Variants in ATP8A2 observed in about 807,000 individuals in gnomAD.
ATP8A2 encodes phospholipid-transporting ATPase IB.
A neutral mutation model predicts 165.6 loss-of-function variants in ATP8A2; 100 were observed. The ratio of observed to expected loss-of-function variants is 0.60; its 90% confidence interval spans 0.51 to 0.71. The LOEUF (loss-of-function observed/expected upper bound fraction) is 0.71. Among genes scored for constraint, ATP8A2 ranks in the 30% least tolerant of loss-of-function variants. ATP8A2 has a pLI of 0.00. For missense variants in ATP8A2, 1,227 were observed against 1,479.5 expected (o/e 0.83, Z 2.80); for synonymous variants, 543 against 548.8 (o/e 0.99, Z 0.15).
chr13:25,720,961 C>CTTTTTT (rs57485267), intron 25 of ATP8A2, among the ~76,000 whole-genome samples: 2 of 129,770 alleles, frequency 1.5e-5, no homozygotes. Context: ...GGAGCTTTAG[C>CTTTTTT]TTTTTTTTTT....
intron 33 of ATP8A2, among the ~76,000 whole-genome samples, chr13:25,892,234 C>A (rs1329140845): frequency 6.6e-6 from 1 of 152,054 alleles, no homozygotes; most frequent in Non-Finnish European, 1.5e-5. Context: ...GCCTCAGCCT[C>A]CAAAGTGCTG....
At chr13:26,017,110 T>C (rs1214042700) in intron 36 of ATP8A2, among the ~76,000 whole-genome samples, 1 of 152,104 alleles carries the variant, frequency 6.6e-6, no homozygotes, top group Non-Finnish European at 1.5e-5. Flanking sequence ...AGCTCAGTAG[T>C]CCTCAGCTTC....
At chr13:25,910,924 A>ATTT (rs35021710) in intron 33 of ATP8A2, among the ~76,000 whole-genome samples, 3 of 142,812 alleles carry the variant, frequency 2.1e-5, no homozygotes, top group Non-Finnish European at 3.1e-5. Flanking sequence ...ATCCCTCTCA[A>ATTT]TTTTTTTTTT....
rs217894 is a variant in ATP8A2 at position 25,754,571 on chromosome 13, A to G, written c.2385-14475A>G. On this transcript the variant is annotated intron_variant, in intron 25 of 36. Coordinates refer to ENST00000381655, the MANE Select transcript of ATP8A2 (RefSeq NM_016529.6). ...ACTCTAGTTAGAAGTTTATAGCACA[A>G]ATATAGCCCCATGTAACTAAGGGAA... is the stretch of plus-strand genomic sequence containing the variant. 3.9e-3 allele frequency among the ~76,000 whole-genome samples: 601 copies of G among 152,286 alleles called. 4 individuals are homozygous for G. Among genetic ancestry groups the G allele is most frequent in the African/African-American group, 0.014 (578 of 41,552 alleles).
At chr13:25,932,226 G>T (rs907033860) in intron 33 of ATP8A2, among the ~76,000 whole-genome samples, 2 of 152,064 alleles carry the variant, frequency 1.3e-5, no homozygotes, top group African/African-American at 4.8e-5. Flanking sequence ...TCTCAGAGGG[G>T]AACAGAAAGG....
At chr13:25,771,457 G>A (rs1174346298) in intron 26 of ATP8A2, among the ~76,000 whole-genome samples, 1 of 152,136 alleles carries the variant, frequency 6.6e-6, no homozygotes, top group Non-Finnish European at 1.5e-5. Flanking sequence ...GGTTTCCTAG[G>A]AGTTCCAGGC....
chr13:25,731,232 A>G (rs1395961219), intron 25 of ATP8A2, among the ~76,000 whole-genome samples: 1 of 147,586 alleles, frequency 6.8e-6, no homozygotes, highest in African/African-American at 2.6e-5. Flanking sequence ...GAAAGAAGGA[A>G]AGAGAGAGAG....
intron 28 of ATP8A2, among the ~76,000 whole-genome samples, chr13:25,836,245 C>T (rs1231826095): frequency 1.3e-5 from 2 of 152,132 alleles, no homozygotes; most frequent in Non-Finnish European, 1.5e-5. Context: ...TTTGATGACA[C>T]AGCTCTTAGC....
chr13:25,958,687 T>A (rs149489994), intron 33 of ATP8A2, among the ~76,000 whole-genome samples: 29 of 152,288 alleles, frequency 1.9e-4, no homozygotes, highest in Non-Finnish European at 3.5e-4. Flanking sequence ...TCTGTGAAAA[T>A]TAGGATGGTA....
At chr13:25,465,737 T>TTTCTTTCTTTCTTTCTTTCTTTCTTTCCC (rs2035640489) in intron 1 of ATP8A2, among the ~76,000 whole-genome samples, 2 of 5,602 alleles carry the variant, frequency 3.6e-4, no homozygotes, top group African/African-American at 6.3e-4. Flanking sequence ...CTTTCTTTCT[T>TTTCTTTCTTTCTTTCTTTCTTTCTTTCCC]TCCCTCCCTC....
intron 1 of ATP8A2, among the ~76,000 whole-genome samples, chr13:25,433,130 G>A (rs932816989): frequency 2.0e-5 from 3 of 152,158 alleles, no homozygotes; most frequent in Non-Finnish European, 4.4e-5. Context: ...GTCTTTCCAC[G>A]ATCACAGGTC....
intron 26 of ATP8A2, 52 bp from the exon 27 acceptor site, chr13:25,774,797 T>A: frequency 9.2e-7 from 1 of 1,083,616 alleles, no homozygotes; most frequent in Non-Finnish European, 1.4e-6. Context: ...TGTTTGTGAC[T>A]TTTATTCCTC....
chr13:25,532,333 G>T lies in ATP8A2; in HGVS notation c.466+16G>T. 1 of 1,599,626 alleles carries T rather than the reference G, an allele frequency of 6.3e-7. No individual in the cohort carries two copies. Among genetic ancestry groups the T allele is most frequent in the South Asian group, 1.1e-5 (1 of 86,992 alleles). Reference sequence around the variant, plus strand: ...AAAACAATAGGTAAGATCCCAGGCTGAAGGACTTTTTCCACTGGAAAACTT... The same window carrying T: ...AAAACAATAGGTAAGATCCCAGGCTTAAGGACTTTTTCCACTGGAAAACTT... On this transcript the variant is annotated intron_variant, in intron 5 of 36. Transcript: ENST00000381655.
At chr13:25,608,321 A>G (rs1423007278) in intron 24 of ATP8A2, among the ~76,000 whole-genome samples, 2 of 152,196 alleles carry the variant, frequency 1.3e-5, no homozygotes, top group African/African-American at 4.8e-5. Context: ...GTGCATATTT[A>G]ATTTCTGGGT....
At chr13:25,437,022 C>T (rs563123500) in intron 1 of ATP8A2, among the ~76,000 whole-genome samples, 1 of 152,256 alleles carries the variant, frequency 6.6e-6, no homozygotes, top group Admixed American at 6.5e-5. Flanking sequence ...AGTGACCCAC[C>T]AGCCTCAGCT....
intron 28 of ATP8A2, among the ~76,000 whole-genome samples, chr13:25,831,118 A>G (rs1188723792): frequency 6.6e-6 from 1 of 151,760 alleles, no homozygotes; most frequent in Non-Finnish European, 1.5e-5. Context: ...CATTTTCTTC[A>G]TGCAGTATTT....
chr13:26,004,751 C>A (rs1338476042), intron 35 of ATP8A2, among the ~76,000 whole-genome samples: 1 of 151,990 alleles, frequency 6.6e-6, no homozygotes, highest in African/African-American at 2.4e-5. Flanking sequence ...TTGAGATGAT[C>A]ATATGGTTTT....
intron 24 of ATP8A2, among the ~76,000 whole-genome samples, chr13:25,606,617 G>A (rs1259335127): frequency 6.6e-6 from 1 of 152,050 alleles, no homozygotes; most frequent in Non-Finnish European, 1.5e-5. Context: ...TCGTTATTCA[G>A]GTACTTTTGC....
intron 33 of ATP8A2, among the ~76,000 whole-genome samples, chr13:25,917,772 CA>C (rs1954311830): frequency 6.6e-6 from 1 of 152,178 alleles, no homozygotes; most frequent in African/African-American, 2.4e-5. Context: ...GCATGGCTTT[CA>C]CTGTGCTAAT....
Sources: allele counts gnomAD v4.1 joint callset (sites outside exome capture counted in the v4.1 genomes callset), GRCh38; gene constraint gnomAD v4.1.1; transcripts MANE v1.5; gene names NCBI Gene and HGNC (gene_info 2026-07-23, HGNC 2026-07-21).